TMTC1: variants seen among roughly 807,000 people sequenced by gnomAD.
TMTC1 encodes protein O-mannosyl-transferase TMTC1.
TMTC1 carries 73 observed loss-of-function variants against 104.8 expected under a neutral mutation model. The ratio of observed to expected loss-of-function variants is 0.70; its 90% CI spans 0.58 to 0.85. The LOEUF is 0.85. TMTC1 is among the 40% of genes least tolerant of loss of function. The pLI is 0.00. For synonymous variants in TMTC1, 434 were observed against 428.7 expected (o/e 1.01, Z -0.15); for missense variants, 1,035 against 1,096.1 (o/e 0.94, Z 0.79).
intron 5 of TMTC1, among the ~76,000 whole-genome samples, chr12:29,670,627 T>C (rs1191044922): frequency 6.6e-6 from 1 of 152,100 alleles, no homozygotes; most frequent in Non-Finnish European, 1.5e-5. Context: ...GTGACATACA[T>C]TTGAAAGGAC....
At position 29,692,188 on chromosome 12, in the gene TMTC1, T is replaced by C. The variant is rs1194887497; in HGVS notation, c.939-58852A>G. On this transcript the variant is annotated intron_variant, in intron 5 of 17. Transcript: ENST00000539277. ...GCTTTCCAAACAATACAATTTATTC[T>C]CTTTAATAATTCTTCTTTTTCCTCC... Among the ~76,000 whole-genome samples the C allele has an allele frequency of 2.7e-5, 4 of 145,624 alleles. 1 individual carries two copies. The highest frequency in any genetic ancestry group is 1.0e-4 in the African/African-American group (4 of 39,812).
At chr12:29,740,961 C>T (rs957401050) in intron 5 of TMTC1, among the ~76,000 whole-genome samples, 5 of 152,182 alleles carry the variant, frequency 3.3e-5, no homozygotes, top group African/African-American at 1.2e-4. Flanking sequence ...CTAAGAAATA[C>T]TGCAAATTGT....
At chr12:29,656,286 C>T (rs1939750099) in intron 5 of TMTC1, among the ~76,000 whole-genome samples, 1 of 148,488 alleles carries the variant, frequency 6.7e-6, no homozygotes, top group African/African-American at 2.5e-5. Context: ...ATGAGAAAAG[C>T]TATTCATAAC....
chr12:29,648,757 T>C (rs1241681554), intron 5 of TMTC1, among the ~76,000 whole-genome samples: 8 of 152,224 alleles, frequency 5.3e-5, no homozygotes, highest in Non-Finnish European at 4.4e-5. Flanking sequence ...AAATGAAACA[T>C]GATGAATTAG....
chr12:29,662,510 C>T (rs921789298), intron 5 of TMTC1, among the ~76,000 whole-genome samples: 3 of 151,616 alleles, frequency 2.0e-5, no homozygotes, highest in Non-Finnish European at 2.9e-5. Flanking sequence ...ATTAGCCAGG[C>T]GTGGTGGCAG....
At chr12:29,685,431 A>G (rs1941061430) in intron 5 of TMTC1, among the ~76,000 whole-genome samples, 1 of 152,082 alleles carries the variant, frequency 6.6e-6, no homozygotes, top group Admixed American at 6.5e-5. Flanking sequence ...AGTACAATAC[A>G]TTAAAAATTG....
intron 5 of TMTC1, among the ~76,000 whole-genome samples, chr12:29,684,257 G>A (rs924826151): frequency 6.6e-6 from 1 of 152,178 alleles, no homozygotes. Flanking sequence ...AATTTCCAGA[G>A]CAGTTTTATT....
chr12:29,579,655 T>C (rs1200086872), intron 8 of TMTC1, among the ~76,000 whole-genome samples: 1 of 152,200 alleles, frequency 6.6e-6, no homozygotes, highest in Non-Finnish European at 1.5e-5. Context: ...GAGGGTTTAA[T>C]CTAATCAAAT....
chr12:29,539,433 G>A (rs9300191), intron 10 of TMTC1, among the ~76,000 whole-genome samples: 119,750 of 152,124 alleles, frequency 0.79, 47,390 homozygotes, highest in Middle Eastern at 0.87. Flanking sequence ...CTTTTATTAC[G>A]TGCCGACAAC....
chr12:29,501,894 C>A lies in TMTC1; in HGVS notation c.*4952G>T, dbSNP rs1271410640. ...CCACTTTGATTGATATTAAACCATACTTTTGATTGCAGTTATTTTCTGTTC... is the reference window on the plus strand; with the variant it reads ...CCACTTTGATTGATATTAAACCATAATTTTGATTGCAGTTATTTTCTGTTC... On this transcript the variant is annotated 3_prime_UTR_variant, in exon 18 of 18. Coordinates refer to ENST00000539277, the MANE Select transcript of TMTC1 (RefSeq NM_001193451.2). 1 of 152,126 alleles carries A rather than the reference C, an allele frequency of 6.6e-6. No homozygotes were observed. The highest frequency in any genetic ancestry group is 1.5e-5 in the Non-Finnish European group (1 of 68,020). The allele number at this position is 152,126 out of a possible 1,614,324, so 9.4% of individuals were successfully genotyped here.
chr12:29,659,438 GCT>G (rs1484111285), intron 5 of TMTC1, among the ~76,000 whole-genome samples: 3 of 151,988 alleles, frequency 2.0e-5, no homozygotes, highest in Non-Finnish European at 2.9e-5. Context: ...TGGCACCTCC[GCT>G]CTCTCTCTTG....
At position 29,556,886 on chromosome 12, in the gene TMTC1, C is replaced by A. The variant is rs1430316327; in HGVS notation, c.1647G>T (p.Arg549=). The change falls in exon 10 of 18, where the codon CGG becomes CGT. Residue 549 remains arginine (R), a synonymous_variant. Transcript: ENST00000539277. The part of the protein sequence containing the change: ...RALQLHPQHN[R]ALFNLGNLLK... Reference sequence around the variant, plus strand: ...GGAGATTCCCCAGATTGAAAAGAGCCCGGTTATGCTGTGGATGGAGCTGGA... The same window carrying A: ...GGAGATTCCCCAGATTGAAAAGAGCACGGTTATGCTGTGGATGGAGCTGGA... 3 of 1,614,084 alleles carry A rather than the reference C, an allele frequency of 1.9e-6. No individual in the cohort carries two copies. The highest frequency in any genetic ancestry group is 2.2e-5 in the South Asian group (2 of 91,090).
chr12:29,538,445 C>T (rs762738251), intron 10 of TMTC1, among the ~76,000 whole-genome samples: 22 of 151,942 alleles, frequency 1.4e-4, no homozygotes, highest in Non-Finnish European at 2.6e-4. Context: ...CTCTCAAAGT[C>T]CAAAGGAAGG....
In TMTC1 at chr12:29,758,705, T is replaced by C. The variant is rs1026101785; in HGVS notation, c.553A>G (p.Arg185Gly). 1 of 1,612,960 alleles carries C rather than the reference T, an allele frequency of 6.2e-7. No individual in the cohort carries two copies. The highest frequency in any genetic ancestry group is 8.5e-7 in the Non-Finnish European group (1 of 1,179,478). The change falls in exon 3 of 18, where the codon AGG becomes GGG. Residue 185 changes from arginine (R) to glycine (G), a missense_variant and splice_region_variant. Arg to Gly is a moderately radical substitution (Grantham distance 125). Transcript: ENST00000539277. Reference sequence around the variant, plus strand: ...AAGGGCATTCTTAGCTACACATACCTGTTGTACGAGAGAAAGGCCAATAGA... The same window carrying C: ...AAGGGCATTCTTAGCTACACATACCCGTTGTACGAGAGAAAGGCCAATAGA... ...LFLLAFLSYNRSLDQGCVGGS... is the reference protein window; with the variant it reads ...LFLLAFLSYNGSLDQGCVGGS...
In TMTC1 at chr12:29,502,848, C is replaced by T. The variant is rs531601352; in HGVS notation, c.*3998G>A. The T allele has an allele frequency of 2.6e-5, 4 of 152,134 alleles. No homozygotes were observed. Among genetic ancestry groups the T allele is most frequent in the South Asian group, 2.1e-4 (1 of 4,832 alleles). The allele number at this position is 152,134 out of a possible 1,614,324, so 9.4% of individuals were successfully genotyped here. A position where few individuals can be genotyped will look rare whatever the true frequency, so the allele number is the denominator to read the frequency against. ...ACCAGGACAGCCAGGATGATTCAAC[C>T]GAAGATTCCGAAAGGTCCTCAGGTG... On this transcript the variant is annotated 3_prime_UTR_variant, in exon 18 of 18. Coordinates refer to ENST00000539277, the MANE Select transcript of TMTC1 (RefSeq NM_001193451.2).
intron 5 of TMTC1, among the ~76,000 whole-genome samples, chr12:29,664,940 G>A (rs1461745278): frequency 6.6e-6 from 1 of 152,062 alleles, no homozygotes; most frequent in African/African-American, 2.4e-5. Flanking sequence ...GAGAACTAAG[G>A]GTCCAGGGTT....
intron 7 of TMTC1, among the ~76,000 whole-genome samples, chr12:29,584,901 C>T (rs533686553): frequency 2.7e-4 from 41 of 150,462 alleles, no homozygotes; most frequent in East Asian, 2.5e-3. Context: ...AATAAACATA[C>T]GTGTGCATGT....
At chr12:29,672,933 C>T (rs1297432991) in intron 5 of TMTC1, among the ~76,000 whole-genome samples, 1 of 152,144 alleles carries the variant, frequency 6.6e-6, no homozygotes, top group Admixed American at 6.6e-5. Flanking sequence ...CAAACCTATC[C>T]AGAGAACAGC....
chr12:29,723,835 A>C (rs547226074), intron 5 of TMTC1, among the ~76,000 whole-genome samples: 1 of 152,312 alleles, frequency 6.6e-6, no homozygotes, highest in East Asian at 1.9e-4. Context: ...GCTTCAGTGA[A>C]TCATACTGAG....
Sources: allele counts gnomAD v4.1 joint callset (sites outside exome capture counted in the v4.1 genomes callset), GRCh38; gene constraint gnomAD v4.1.1; transcripts MANE v1.5; gene names NCBI Gene and HGNC (gene_info 2026-07-23, HGNC 2026-07-21).